SFMBT2: variants seen among roughly 807,000 people sequenced by gnomAD.
The protein encoded by SFMBT2 is Scm like with four mbt domains 2.
In SFMBT2, 38 loss-of-function variants were observed where a neutral mutation model predicts 110.1. The observed-to-expected ratio is 0.35, with a 90% CI of 0.27 to 0.45. The LOEUF (loss-of-function observed/expected upper bound fraction) is 0.45, where lower values mean the gene tolerates loss of function less well. Among genes scored for constraint, SFMBT2 ranks in the 20% least tolerant of loss-of-function variants. The pLI, the probability that SFMBT2 is intolerant of heterozygous loss-of-function variation, is 1.00. For synonymous variants in SFMBT2, 425 were observed against 425.4 expected (o/e 1.00, Z 0.01); for missense variants, 1,011 against 1,094.9 (o/e 0.92, Z 1.08).
In SFMBT2 at chr10:7,344,040, T is replaced by A. The variant is rs117099745; in HGVS notation, c.436+23609A>T. 7.0e-3 allele frequency among the ~76,000 whole-genome samples: 1,063 copies of A among 152,356 alleles called. 8 individuals are homozygous for A. The highest frequency in any genetic ancestry group is 0.044 in the Middle Eastern group (13 of 294). On this transcript the variant is annotated intron_variant, in intron 4 of 20. Coordinates refer to ENST00000397167, the MANE Select transcript of SFMBT2 (RefSeq NM_001387889.1). ...TCATATGCTCTGAAAGATACCACAG[T>A]AAGCTATAATTTGACTGAAGTAGTC...
intron 4 of SFMBT2, among the ~76,000 whole-genome samples, chr10:7,356,468 T>C (rs1844517504): frequency 6.6e-6 from 1 of 152,180 alleles, no homozygotes; most frequent in Admixed American, 6.5e-5. Context: ...CAGGATGGAG[T>C]GCAGTGGCAT....
intron 16 of SFMBT2, among the ~76,000 whole-genome samples, chr10:7,180,044 C>T (rs549033637): frequency 1.4e-4 from 22 of 152,300 alleles, no homozygotes; most frequent in African/African-American, 5.3e-4. Flanking sequence ...GGCGTGCTGC[C>T]TGGACCCCTT....
At chr10:7,184,435 T>C (rs2462710) in intron 16 of SFMBT2, among the ~76,000 whole-genome samples, 151,747 of 152,274 alleles carry the variant, frequency 1, 75,614 homozygotes, top group East Asian at 1. Flanking sequence ...CACCTTCCGC[T>C]GTGATTATGA....
At chr10:7,184,395 CTT>C (rs1315704351) in intron 16 of SFMBT2, among the ~76,000 whole-genome samples, 28 of 152,082 alleles carry the variant, frequency 1.8e-4, no homozygotes, top group Admixed American at 1.8e-3. Flanking sequence ...ATTCTCTTCT[CTT>C]GTCTGCCACC....
At chr10:7,366,791 T>A (rs1211966509) in intron 4 of SFMBT2, among the ~76,000 whole-genome samples, 2 of 152,222 alleles carry the variant, frequency 1.3e-5, no homozygotes, top group Non-Finnish European at 2.9e-5. Flanking sequence ...TCAGCACTGC[T>A]GGCAGGCTGA....
intron 11 of SFMBT2, among the ~76,000 whole-genome samples, chr10:7,216,808 T>C (rs7097868): frequency 0.24 from 37,220 of 152,104 alleles, 4,900 homozygotes; most frequent in South Asian, 0.37. Context: ...CAAATCTGTC[T>C]CCTTCCAAAC....
intron 17 of SFMBT2, among the ~76,000 whole-genome samples, chr10:7,173,217 A>G (rs1208482946): frequency 2.6e-5 from 4 of 152,216 alleles, no homozygotes; most frequent in Non-Finnish European, 5.9e-5. Context: ...GGTGAAAGAG[A>G]CAAAGGTGTC....
At chr10:7,396,145 G>T (rs996179603) in intron 1 of SFMBT2, among the ~76,000 whole-genome samples, 42 of 152,314 alleles carry the variant, frequency 2.8e-4, no homozygotes, top group Admixed American at 1.3e-3. Flanking sequence ...TGGAATTACA[G>T]GATTCTCAAG....
intron 7 of SFMBT2, among the ~76,000 whole-genome samples, chr10:7,252,542 G>A: frequency 6.6e-6 from 1 of 152,066 alleles, no homozygotes; most frequent in Non-Finnish European, 1.5e-5. Context: ...TCCCATCTTT[G>A]CTCATCTATA....
chr10:7,315,699 T>A (rs539806761), intron 4 of SFMBT2, among the ~76,000 whole-genome samples: 1 of 152,178 alleles, frequency 6.6e-6, no homozygotes, highest in Admixed American at 6.5e-5. Context: ...GACTAGTCCA[T>A]ATGCCAAATA....
At position 7,205,932 on chromosome 10, in the gene SFMBT2, C is replaced by T; in HGVS notation, c.1331-4G>A. 6.2e-7 allele frequency: 1 copy of T among 1,613,734 alleles called. No homozygotes were observed. Among genetic ancestry groups the T allele is most frequent in the Non-Finnish European group, 8.5e-7 (1 of 1,179,778 alleles). On this transcript the variant is annotated splice_polypyrimidine_tract_variant and splice_region_variant and intron_variant, in intron 11 of 20. Transcript: ENST00000397167. ...TCTGGAACAGGAGTCTGCAGCCCTG[C>T]ATGGGAAGAAGTTGAAACAAGAGGT... is the stretch of plus-strand genomic sequence containing the variant.
In SFMBT2 at chr10:7,301,331, G is replaced by A. The variant is rs919389439; in HGVS notation, c.437-15377C>T. Among the ~76,000 whole-genome samples the A allele has an allele frequency of 2.0e-5, 3 of 152,234 alleles. No homozygotes were observed. Among genetic ancestry groups the A allele is most frequent in the South Asian group, 2.1e-4 (1 of 4,832 alleles). On this transcript the variant is annotated intron_variant, in intron 4 of 20. Transcript: ENST00000397167. This position sits in a 1 kb window ranked among gnomAD's most constrained non-coding sequence, Gnocchi z 4.2. ...AGTTGCCAGTCCCTCTACAGGGATC[G>A]TTTTGAAAGGAGAGATGCCACAGAA...
At chr10:7,204,241 G>C (rs1839054979) in intron 12 of SFMBT2, 1 of 586,166 alleles carries the variant, frequency 1.7e-6, no homozygotes, top group South Asian at 7.6e-5. Flanking sequence ...GTCCTCTGGT[G>C]CTCTTAATAA....
intron 16 of SFMBT2, among the ~76,000 whole-genome samples, chr10:7,186,326 T>C (rs1387019088): frequency 6.6e-6 from 1 of 151,524 alleles, no homozygotes; most frequent in Non-Finnish European, 1.5e-5. Context: ...GTCTTTATAA[T>C]TGTGTACAAC....
At chr10:7,400,194 C>G (rs74642232) in intron 1 of SFMBT2, among the ~76,000 whole-genome samples, 3 of 152,270 alleles carry the variant, frequency 2.0e-5, no homozygotes, top group Non-Finnish European at 4.4e-5. Flanking sequence ...CTAATCTCAT[C>G]ACTTGTACAA....
chr10:7,290,859 GCTATCTACAAA>G (rs1564424466), intron 4 of SFMBT2, among the ~76,000 whole-genome samples: 1 of 152,098 alleles, frequency 6.6e-6, no homozygotes. Context: ...AAGAAAGCAA[GCTATCTACAAA>G]TTGAGTCCCA....
rs543083861 is a variant in SFMBT2 at position 7,294,748 on chromosome 10, A to G, written c.437-8794T>C. On this transcript the variant is annotated intron_variant, in intron 4 of 20. Transcript: ENST00000397167. The stretch of plus-strand genomic sequence containing the variant: ...ACTGCTCTCCAAAGTCATTCTTACA[A>G]CCTCATCATCCCCAGTGCTCTCCGT... 9.9e-5 allele frequency among the ~76,000 whole-genome samples: 15 copies of G among 152,284 alleles called. No individual in the cohort carries two copies. The South Asian group carries it at 2.9e-3, about 29-fold the overall frequency.
intron 7 of SFMBT2, among the ~76,000 whole-genome samples, chr10:7,254,768 C>G (rs1840940889): frequency 6.6e-6 from 1 of 152,166 alleles, no homozygotes; most frequent in Middle Eastern, 3.4e-3. Context: ...GTGGAGGTTG[C>G]AGTGAGCAGA....
At chr10:7,324,838 G>A (rs991779542) in intron 4 of SFMBT2, among the ~76,000 whole-genome samples, 24 of 152,134 alleles carry the variant, frequency 1.6e-4, no homozygotes, top group Admixed American at 3.9e-4. Context: ...AGGCAGAGAA[G>A]GGAGGCGGAG....
Sources: gnomAD v4.1 joint callset for allele counts (sites outside exome capture counted in the v4.1 genomes callset) on GRCh38, gnomAD v4.1.1 for gene constraint, Gnocchi (gnomAD v3.1) non-coding constraint, MANE v1.5 for transcripts, NCBI Gene and HGNC (gene_info 2026-07-23, HGNC 2026-07-21) for gene names.